PTPRD: variants seen among roughly 807,000 people sequenced by gnomAD.
PTPRD encodes the protein receptor-type tyrosine-protein phosphatase delta.
Under a neutral mutation model 214.5 loss-of-function variants are expected in PTPRD, and 34 were observed. The ratio of observed to expected loss-of-function variants is 0.16; its 90% confidence interval spans 0.12 to 0.21. The LOEUF (loss-of-function observed/expected upper bound fraction) is 0.21, where lower values mean the gene tolerates loss of function less well. Ranked by LOEUF, PTPRD falls within the 10% of genes least tolerant of loss-of-function variation. The pLI is 1.00. For missense variants in PTPRD, 2,545 were observed against 2,398.7 expected, an observed-to-expected ratio of 1.06 and a Z score of -1.27; for synonymous variants, 1,128 against 845.7, an observed-to-expected ratio of 1.33 and a Z score of -5.79.
intron 4 of PTPRD, among the ~76,000 whole-genome samples, chr9:10,023,707 T>C (rs961678054): frequency 3.3e-5 from 5 of 151,936 alleles, no homozygotes; most frequent in African/African-American, 1.2e-4. Context: ...TTCAATTATA[T>C]ATTGAATTGC....
chr9:8,500,899 C>T lies in PTPRD; in HGVS notation c.1983G>A (p.Glu661=). 6.2e-7 allele frequency: 1 copy of T among 1,614,088 alleles called. No individual in the cohort carries two copies. The highest frequency in any genetic ancestry group is 8.5e-7 in the Non-Finnish European group (1 of 1,180,016). Residue 661 remains glutamate, a synonymous_variant, in exon 24 of 46, where the codon GAG becomes GAA. Coordinates refer to ENST00000381196, the MANE Select transcript of PTPRD (RefSeq NM_002839.4). ...TAGTGTCCGAAGGAATTCCCAAAAT[C>T]TCGTGAGGCTTGTCATCTTCCCCAT... ...AVDGEDDKPH[E]ILGIPSDTTK... is the part of the protein sequence containing the mutation.
chr9:8,321,481 G>GTATATA (rs1421258540), intron 44 of PTPRD, among the ~76,000 whole-genome samples: 6 of 49,198 alleles, frequency 1.2e-4, no homozygotes, highest in African/African-American at 4.4e-4. Flanking sequence ...GTGTGTGTGT[G>GTATATA]TGTGTGTATA....
intron 10 of PTPRD, among the ~76,000 whole-genome samples, chr9:9,115,826 G>A (rs1056609126): frequency 6.6e-6 from 1 of 152,068 alleles, no homozygotes; most frequent in African/African-American, 2.4e-5. Context: ...ATCAACTTAG[G>A]TGTCCATCAA....
At position 9,400,276 on chromosome 9, in the gene PTPRD, G is replaced by A. The variant is rs547045418; in HGVS notation, c.-236-2794C>T. 7.2e-5 allele frequency among the ~76,000 whole-genome samples: 11 copies of A among 151,928 alleles called. No individual in the cohort carries two copies. In the South Asian group the frequency reaches 1.2e-3, roughly 17 times the overall value. On this transcript the variant is annotated intron_variant, in intron 8 of 45. Transcript: ENST00000381196. ...TACAAATAATGACTCAATGGCAGTC[G>A]TCTATTTTACTCAAATGGTAACCAA...
intron 8 of PTPRD, among the ~76,000 whole-genome samples, chr9:9,503,048 C>G (rs2096468187): frequency 6.6e-6 from 1 of 151,712 alleles, no homozygotes; most frequent in South Asian, 2.1e-4. Flanking sequence ...GTGTCAAGGT[C>G]TGTGTATTTC....
At chr9:8,538,466 G>C (rs1025552996) in intron 14 of PTPRD, among the ~76,000 whole-genome samples, 2 of 151,442 alleles carry the variant, frequency 1.3e-5, no homozygotes, top group African/African-American at 4.8e-5. Context: ...ATTCAATGTG[G>C]TTTCTTCACC....
chr9:8,818,990 T>A (rs974909981), intron 11 of PTPRD, among the ~76,000 whole-genome samples: 3 of 152,300 alleles, frequency 2.0e-5, no homozygotes, highest in African/African-American at 7.2e-5. Context: ...CTAGTTGCAA[T>A]GTTCGACTAC....
intron 11 of PTPRD, among the ~76,000 whole-genome samples, chr9:8,769,260 TACTC>T (rs535360673): frequency 1.3e-5 from 2 of 152,254 alleles, no homozygotes; most frequent in South Asian, 2.1e-4. Context: ...TTTCTTTATT[TACTC>T]ACTCACTATT....
intron 11 of PTPRD, among the ~76,000 whole-genome samples, chr9:8,843,271 T>C (rs1010411781): frequency 6.6e-6 from 1 of 152,242 alleles, no homozygotes; most frequent in Admixed American, 6.5e-5. Context: ...TTGTCTGTCA[T>C]TAGGCAAAAT....
intron 7 of PTPRD, among the ~76,000 whole-genome samples, chr9:9,607,691 G>C (rs1041282005): frequency 1.3e-5 from 2 of 150,794 alleles, no homozygotes; most frequent in Non-Finnish European, 2.9e-5. Flanking sequence ...TCAAGAGTCA[G>C]TTACCACTAT....
At chr9:9,583,314 A>T (rs1425492117) in intron 7 of PTPRD, among the ~76,000 whole-genome samples, 1 of 151,996 alleles carries the variant, frequency 6.6e-6, no homozygotes, top group Non-Finnish European at 1.5e-5. Flanking sequence ...TAATATTTTG[A>T]CTCTTAGGCA....
rs539064962 is a variant in PTPRD at position 9,070,360 on chromosome 9, A to T, written c.-142-51625T>A. Among the ~76,000 whole-genome samples, 23 of 152,310 alleles carry T rather than the reference A, an allele frequency of 1.5e-4. No homozygotes were observed. The East Asian group carries it at 4.2e-3, about 28-fold the overall frequency. ...TCATTCCATTATAGAAATATAGAAA[A>T]ACAGTTATAATAAATTAATATATGT... On this transcript the variant is annotated intron_variant, in intron 10 of 45. Transcript: ENST00000381196.
At chr9:8,733,321 G>C (rs1218804880) in intron 12 of PTPRD, among the ~76,000 whole-genome samples, 2 of 152,080 alleles carry the variant, frequency 1.3e-5, no homozygotes, top group African/African-American at 4.8e-5. Flanking sequence ...CATTAGAACA[G>C]CTGCTATGAC....
chr9:10,093,576 G>C (rs1338601846), intron 3 of PTPRD, among the ~76,000 whole-genome samples: 2 of 151,458 alleles, frequency 1.3e-5, no homozygotes, highest in Admixed American at 1.3e-4. Flanking sequence ...TTTTGACCTA[G>C]TAATCCCATT....
At chr9:9,914,682 G>T (rs1295413249) in intron 5 of PTPRD, among the ~76,000 whole-genome samples, 1 of 152,064 alleles carries the variant, frequency 6.6e-6, no homozygotes, top group African/African-American at 2.4e-5. Context: ...AAGAGAGCAT[G>T]TGATTGTATT....
rs372712746 is a variant in PTPRD, at chr9:9,839,547, A to G, written c.-367-72696T>C. 2.3e-3 allele frequency among the ~76,000 whole-genome samples: 354 copies of G among 152,234 alleles called. 3 individuals carry two copies. The highest frequency in any genetic ancestry group is 0.01 in the Middle Eastern group (3 of 294). On this transcript the variant is annotated intron_variant, in intron 5 of 45. Coordinates refer to ENST00000381196, the MANE Select transcript of PTPRD (RefSeq NM_002839.4). ...ACTACAAACCACTGCTCAATGAAAT[A>G]AAAGAGGATACAAACAAATGGAAGA...
At chr9:10,334,630 T>C (rs985132450) in intron 3 of PTPRD, among the ~76,000 whole-genome samples, 2 of 151,474 alleles carry the variant, frequency 1.3e-5, no homozygotes, top group Admixed American at 6.6e-5. Flanking sequence ...CGTCTTTGCT[T>C]GCGGATGACA....
chr9:10,266,102 C>T (rs1473156996), intron 3 of PTPRD, among the ~76,000 whole-genome samples: 3 of 152,128 alleles, frequency 2.0e-5, no homozygotes, highest in Non-Finnish European at 4.4e-5. Flanking sequence ...CACCATCACA[C>T]ATGCACACAT....
intron 5 of PTPRD, among the ~76,000 whole-genome samples, chr9:9,779,277 T>TTTG (rs2098824702): frequency 6.6e-6 from 1 of 151,952 alleles, no homozygotes; most frequent in South Asian, 2.1e-4. Flanking sequence ...GAAAATACAC[T>TTTG]TCCAGACATT....
Sources: allele counts gnomAD v4.1 joint callset (sites outside exome capture counted in the v4.1 genomes callset), GRCh38; gene constraint gnomAD v4.1.1; transcripts MANE v1.5; gene names NCBI Gene and HGNC (gene_info 2026-07-23, HGNC 2026-07-21).